The following ASB11 variants were observed in gnomAD, a reference collection of about 807,000 sequenced individuals.
ASB11 encodes the protein ankyrin repeat and SOCS box protein 11.
In ASB11, 17 loss-of-function variants were observed where a neutral mutation model predicts 20.1. The ratio of observed to expected loss-of-function variants is 0.85; its 90% CI spans 0.58 to 1.27. The LOEUF is 1.27. Among genes scored for constraint, ASB11 ranks in the 50% most tolerant of loss-of-function variants. The pLI is 0.00. For missense variants in ASB11, 259 were observed against 256.9 expected, an observed-to-expected ratio of 1.01 and a Z score of -0.06; for synonymous variants, 107 against 105.6, an observed-to-expected ratio of 1.01 and a Z score of -0.08.
intron 3 of ASB11, among the ~76,000 whole-genome samples, chrX:15,294,781 A>G (rs768900288): frequency 8.9e-6 from 1 of 112,441 alleles, no homozygotes; most frequent in Non-Finnish European, 1.9e-5. Context: ...CTATATTTTT[A>G]CTAAAAAATA....
At chrX:15,313,254 C>T (rs1386438407) in intron 1 of ASB11, among the ~76,000 whole-genome samples, 2 of 110,794 alleles carry the variant, frequency 1.8e-5, no homozygotes, top group Non-Finnish European at 3.8e-5. Flanking sequence ...CAAAAATTAG[C>T]CGGGCGTGGT....
intron 1 of ASB11, among the ~76,000 whole-genome samples, chrX:15,309,722 C>T (rs1307036642): frequency 9.1e-6 from 1 of 109,545 alleles, no homozygotes; most frequent in Non-Finnish European, 1.9e-5. Flanking sequence ...AATCCCAGCA[C>T]TTTGGGAGAC....
chrX:15,299,110 G>A (rs950173572), intron 2 of ASB11, among the ~76,000 whole-genome samples: 8 of 111,897 alleles, frequency 7.1e-5, no homozygotes, highest in Non-Finnish European at 1.5e-4. Context: ...CCCTCCCTCT[G>A]ATGATCACGT....
intron 1 of ASB11, among the ~76,000 whole-genome samples, chrX:15,314,723 A>G (rs951313845): frequency 9.2e-6 from 1 of 109,101 alleles, no homozygotes; most frequent in African/African-American, 3.3e-5. Context: ...CTATTAAGTG[A>G]CAATCCCAGG....
intron 6 of ASB11, among the ~76,000 whole-genome samples, chrX:15,284,212 A>G (rs188045497): frequency 2.0e-4 from 20 of 101,870 alleles, no homozygotes; most frequent in East Asian, 1.8e-3. Context: ...AGATCGGGCC[A>G]CTGCACTCCA....
At chrX:15,301,770 CATAAAT>C (rs1397026648) in intron 2 of ASB11, among the ~76,000 whole-genome samples, 1 of 112,396 alleles carries the variant, frequency 8.9e-6, no homozygotes, top group East Asian at 2.8e-4. Context: ...GGGATGTAGT[CATAAAT>C]ATAAATAAAG....
chrX:15,287,752 G>C, intron 6 of ASB11, 129 bp downstream of exon 6: 1 of 773,133 alleles, frequency 1.3e-6, no homozygotes, highest in Non-Finnish European at 1.8e-6. Flanking sequence ...TGACGGCAGG[G>C]CCTATCACCT....
At chrX:15,309,967 C>CA (rs60765469) in intron 1 of ASB11, among the ~76,000 whole-genome samples, 165 of 14,901 alleles carry the variant, frequency 0.011, 4 homozygotes, top group East Asian at 0.025. Flanking sequence ...GACTCCGTCT[C>CA]AAAAAAAAAA....
chrX:15,300,476 AT>A (rs1921030312), intron 2 of ASB11, among the ~76,000 whole-genome samples: 1 of 112,737 alleles, frequency 8.9e-6, no homozygotes, highest in African/African-American at 3.2e-5. Flanking sequence ...AGACAAATAC[AT>A]TTTTTAACAG....
At position 15,293,237 on chromosome X, in the gene ASB11, C is replaced by T; in HGVS notation, c.453G>A (p.Leu151=). 8.3e-7 allele frequency: 1 copy of T among 1,211,954 alleles called. No individual in the cohort carries two copies. The highest frequency in any genetic ancestry group is 1.1e-6 in the Non-Finnish European group (1 of 895,565). Residue 151 remains leucine (L), a synonymous_variant, in exon 4 of 7, where the codon CTG becomes CTA. Transcript: ENST00000480796. ...SGSAACVNVL[L]EFGAKAQLEV... ...CCAACTGGGCCTTGGCTCCGAACTCCAGCAGCACATTGACACATGCAGCAC... is the reference window on the plus strand; with the variant it reads ...CCAACTGGGCCTTGGCTCCGAACTCTAGCAGCACATTGACACATGCAGCAC...
rs187336193 is a variant in ASB11, at chrX:15,297,820, G to C, written c.262-139C>G. On this transcript the variant is annotated intron_variant, in intron 2 of 6. Transcript: ENST00000480796. Reference sequence around the variant, plus strand: ...TGAGTAGCTGGGATTTCAAGTGCAAGCCACCAAGCCCAGCAGAAGAGAGTG... The same window carrying C: ...TGAGTAGCTGGGATTTCAAGTGCAACCCACCAAGCCCAGCAGAAGAGAGTG... 3.6e-4 allele frequency: 187 copies of C among 514,760 alleles called. No homozygotes were observed. The East Asian group carries it at 6.9e-3, about 19-fold the overall frequency. 42.4% of individuals were successfully genotyped at this position (514,760 alleles called of 1,213,427 possible). A position where few individuals can be genotyped will look rare whatever the true frequency, so the allele number is the denominator to read the frequency against.
chrX:15,292,256 A>C (rs773800709), intron 4 of ASB11, among the ~76,000 whole-genome samples: 1 of 112,271 alleles, frequency 8.9e-6, no homozygotes, highest in East Asian at 2.8e-4. Context: ...GGCAAGTGAC[A>C]TGTTTAATAA....
intron 6 of ASB11, among the ~76,000 whole-genome samples, chrX:15,286,699 G>C (rs1388335916): frequency 1.9e-5 from 2 of 105,295 alleles, no homozygotes; most frequent in Non-Finnish European, 3.9e-5. Context: ...CACACTCTGG[G>C]GTCAGATGGC....
intron 6 of ASB11, among the ~76,000 whole-genome samples, chrX:15,284,082 G>A (rs36040626): frequency 9.6e-6 from 1 of 104,043 alleles, no homozygotes; most frequent in Non-Finnish European, 1.9e-5. Flanking sequence ...GAAACCCCGT[G>A]TCCACTAAAA....
intron 4 of ASB11, chrX:15,289,973 G>A (rs891341420): frequency 1.1e-5 from 2 of 180,092 alleles, no homozygotes; most frequent in Middle Eastern, 2.1e-3. Context: ...ACAGTGAGCC[G>A]AGATAGCGCC....
chrX:15,285,643 G>A (rs7049370), intron 6 of ASB11, among the ~76,000 whole-genome samples: 41,489 of 110,443 alleles, frequency 0.38, 5,600 homozygotes, highest in South Asian at 0.56. Context: ...CGGATCTGCT[G>A]AGGAAGATCA....
Position 15,283,569 on chromosome X carries a change from C to T in ASB11, c.908G>A (p.Cys303Tyr). 1 of 1,209,773 alleles carries T rather than the reference C, an allele frequency of 8.3e-7. No homozygotes were observed. The highest frequency in any genetic ancestry group is 1.1e-6 in the Non-Finnish European group (1 of 894,146). ...ATGTAGCTTGTGGATGGCTTGATGA[C>T]ATGCTCGACCGAGACACTTCCGGAC... ...LCVRKCLGRA[C>Y]HQAIHKLHLP... Residue 303 changes from cysteine (C) to tyrosine (Y), a missense_variant, in exon 7 of 7, where the codon TGT (cysteine) becomes TAT (tyrosine). Cys to Tyr is a radical substitution (Grantham distance 194). Transcript: ENST00000480796.
At chrX:15,306,946 C>T (rs1244598786) in intron 1 of ASB11, among the ~76,000 whole-genome samples, 4 of 111,509 alleles carry the variant, frequency 3.6e-5, no homozygotes, top group Non-Finnish European at 5.6e-5. Flanking sequence ...GCTGCCAGCT[C>T]GGCACCCTGA....
intron 6 of ASB11, among the ~76,000 whole-genome samples, chrX:15,286,190 A>C (rs1272431425): frequency 9.0e-6 from 1 of 111,053 alleles, no homozygotes; most frequent in Non-Finnish European, 1.9e-5. Context: ...ACTGATATGC[A>C]TGTTAAATCT....
Sources: gnomAD v4.1 joint callset for allele counts (sites outside exome capture counted in the v4.1 genomes callset) on GRCh38, gnomAD v4.1.1 for gene constraint, MANE v1.5 for transcripts, NCBI Gene and HGNC (gene_info 2026-07-23, HGNC 2026-07-21) for gene names.